The following KDM4C variants were observed in gnomAD, a reference collection of about 807,000 sequenced individuals.
The protein encoded by KDM4C is lysine-specific demethylase 4C.
KDM4C carries 81 observed loss-of-function variants against 129.3 expected under a neutral mutation model. The ratio of observed to expected loss-of-function variants is 0.63; its 90% CI spans 0.52 to 0.75. KDM4C has a LOEUF of 0.75. KDM4C is among the 30% of genes least tolerant of loss of function. KDM4C has a pLI of 0.00. For synonymous variants in KDM4C, 573 were observed against 456.1 expected, an observed-to-expected ratio of 1.26 and a Z score of -3.26; for missense variants, 1,457 against 1,304.0, an observed-to-expected ratio of 1.12 and a Z score of -1.81.
intron 18 of KDM4C, among the ~76,000 whole-genome samples, chr9:7,126,659 C>A (rs139755857): frequency 6.6e-6 from 1 of 152,172 alleles, no homozygotes; most frequent in African/African-American, 2.4e-5. Context: ...GCATGTATTT[C>A]ATTGTTCCAT....
Position 7,175,402 on chromosome 9 carries a change from T to G in KDM4C, c.*673T>G, listed in dbSNP as rs1222017189. On this transcript the variant is annotated 3_prime_UTR_variant, in exon 22 of 22. Coordinates refer to ENST00000381309, the MANE Select transcript of KDM4C (RefSeq NM_015061.6). ...CTTGAGAAAGAATTCTTATGAATTG[T>G]TATGCGAATTTTATATATTTAAAGA... 1 of 152,586 alleles carries G rather than the reference T, an allele frequency of 6.6e-6. No individual in the cohort carries two copies. The highest frequency in any genetic ancestry group is 2.4e-5 in the African/African-American group (1 of 41,452). 9.5% of individuals were successfully genotyped at this position (152,586 alleles called of 1,614,324 possible).
At chr9:6,869,066 A>T (rs190428653) in intron 5 of KDM4C, among the ~76,000 whole-genome samples, 32 of 152,298 alleles carry the variant, frequency 2.1e-4, no homozygotes, top group Non-Finnish European at 4.0e-4. Context: ...CGGGGAATTA[A>T]TTTACATGTA....
At chr9:7,027,081 G>A (rs1016668584) in intron 15 of KDM4C, among the ~76,000 whole-genome samples, 2 of 152,082 alleles carry the variant, frequency 1.3e-5, no homozygotes, top group African/African-American at 4.8e-5. Flanking sequence ...CTCCAGGACT[G>A]GCCCCTGGTG....
At chr9:7,069,887 C>A (rs558825147) in intron 17 of KDM4C, among the ~76,000 whole-genome samples, 179 of 152,304 alleles carry the variant, frequency 1.2e-3, no homozygotes, top group Non-Finnish European at 2.2e-3. Flanking sequence ...AAGGTTCTCA[C>A]ACCAGATTTG....
intron 19 of KDM4C, among the ~76,000 whole-genome samples, chr9:7,141,762 C>A (rs998118786): frequency 6.6e-6 from 1 of 151,844 alleles, no homozygotes; most frequent in African/African-American, 2.4e-5. Flanking sequence ...TTCCAAGCCC[C>A]CTGGTTTGCA....
intron 19 of KDM4C, among the ~76,000 whole-genome samples, chr9:7,164,498 G>A (rs1450835637): frequency 6.6e-6 from 1 of 152,042 alleles, no homozygotes; most frequent in African/African-American, 2.4e-5. Context: ...GAAAAAGGTG[G>A]GCTCGTCAAT....
intron 19 of KDM4C, among the ~76,000 whole-genome samples, chr9:7,131,084 G>GA (rs556608993): frequency 0.02 from 669 of 33,944 alleles, 3 homozygotes; most frequent in Non-Finnish European, 0.043. Context: ...ACTTCTTCAG[G>GA]AAAAAAACAA....
chr9:6,918,959 C>T (rs1820827916), intron 8 of KDM4C, among the ~76,000 whole-genome samples: 1 of 152,110 alleles, frequency 6.6e-6, no homozygotes, highest in African/African-American at 2.4e-5. Flanking sequence ...TCAAGCGATT[C>T]TCCTGCCTCA....
chr9:7,073,114 C>T (rs1364834433), intron 17 of KDM4C, among the ~76,000 whole-genome samples: 1 of 152,180 alleles, frequency 6.6e-6, no homozygotes, highest in Non-Finnish European at 1.5e-5. Context: ...AGTGTTTACT[C>T]TCCTCTGGAC....
At chr9:6,768,721 T>C (rs1821141969) in intron 1 of KDM4C, among the ~76,000 whole-genome samples, 1 of 152,132 alleles carries the variant, frequency 6.6e-6, no homozygotes, top group Non-Finnish European at 1.5e-5. Context: ...CTTGATTTTT[T>C]TTTCCTTGAT....
At chr9:6,975,643 AAGAC>A (rs1328161100) in intron 8 of KDM4C, among the ~76,000 whole-genome samples, 1 of 152,204 alleles carries the variant, frequency 6.6e-6, no homozygotes, top group South Asian at 2.1e-4. Context: ...ACTTCTCTAT[AAGAC>A]AGACACTGTG....
intron 15 of KDM4C, among the ~76,000 whole-genome samples, chr9:7,041,527 ATC>A: frequency 7.0e-6 from 1 of 142,230 alleles, no homozygotes; most frequent in South Asian, 2.4e-4. Flanking sequence ...GTTTTTTCCT[ATC>A]TTGATCATAA....
At chr9:6,782,328 A>C (rs1383946542) in intron 1 of KDM4C, among the ~76,000 whole-genome samples, 2 of 152,222 alleles carry the variant, frequency 1.3e-5, no homozygotes, top group Non-Finnish European at 2.9e-5. Context: ...CACTGAGGAT[A>C]GGAGAAGCAA....
rs138954348 is a variant in KDM4C at position 6,743,004 on chromosome 9, C to T, written c.49+22007C>T. Among the ~76,000 whole-genome samples the T allele has an allele frequency of 2.0e-5, 3 of 151,990 alleles. No individual in the cohort carries two copies. In the East Asian group the frequency reaches 5.8e-4, roughly 29 times the overall value. ...CCAGCCTGGGTGACAGGGCGAGGCT[C>T]AGTTTAAAAAATAAAACAAAAATCC... On this transcript the variant is annotated intron_variant, in intron 1 of 17. Coordinates refer to the KDM4C transcript ENST00000536108.
intron 8 of KDM4C, among the ~76,000 whole-genome samples, chr9:6,901,325 T>C (rs1445192775): frequency 6.6e-6 from 1 of 152,144 alleles, no homozygotes; most frequent in Admixed American, 6.5e-5. Flanking sequence ...CCCCTGCAGG[T>C]TCTGCTGAGG....
intron 4 of KDM4C, among the ~76,000 whole-genome samples, chr9:6,825,206 T>G (rs1310481313): frequency 2.0e-5 from 3 of 151,664 alleles, no homozygotes; most frequent in African/African-American, 7.3e-5. Flanking sequence ...ACATTTAATC[T>G]GTTATAAAGT....
At chr9:7,028,943 C>CT (rs1386615993) in intron 15 of KDM4C, among the ~76,000 whole-genome samples, 1 of 152,174 alleles carries the variant, frequency 6.6e-6, no homozygotes. Context: ...TGATTCAAGA[C>CT]TGTTTCTCCT....
intron 6 of KDM4C, among the ~76,000 whole-genome samples, chr9:6,882,996 A>G (rs963583913): frequency 1.3e-5 from 2 of 152,226 alleles, no homozygotes; most frequent in African/African-American, 4.8e-5. Flanking sequence ...AGTTGGGCAT[A>G]TACGTAGATT....
intron 8 of KDM4C, among the ~76,000 whole-genome samples, chr9:6,931,056 C>G (rs560690778): frequency 2.0e-5 from 3 of 152,190 alleles, no homozygotes; most frequent in East Asian, 1.9e-4. Context: ...TCAGGAGAAC[C>G]CTGGCATTTA....
Sources: gnomAD v4.1 joint callset for allele counts (sites outside exome capture counted in the v4.1 genomes callset) on GRCh38, gnomAD v4.1.1 for gene constraint, MANE v1.5 for transcripts, NCBI Gene and HGNC (gene_info 2026-07-23, HGNC 2026-07-21) for gene names.